PDGFB: variants seen among roughly 807,000 people sequenced by gnomAD.
PDGFB encodes the protein platelet derived growth factor subunit B, also known as platelet-derived growth factor subunit B.
Under a neutral mutation model 29.0 loss-of-function variants are expected in PDGFB, and 6 were observed. That is an observed-to-expected ratio of 0.21 (90% CI 0.11 to 0.41). PDGFB has a LOEUF of 0.41. PDGFB is among the 10% of genes least tolerant of loss of function. The probability of loss-of-function intolerance (pLI) is 1.00; values close to 1 mark genes in which losing one functional copy is unlikely to be tolerated. For synonymous variants in PDGFB, 144 were observed against 140.8 expected (o/e 1.02, Z -0.16); for missense variants, 299 against 341.8 (o/e 0.87, Z 0.99).
In PDGFB at chr22:39,236,400, G is replaced by A. The variant is rs1401590474; in HGVS notation, c.64-526C>T. Among the ~76,000 whole-genome samples, 5 of 152,190 alleles carry A rather than the reference G, an allele frequency of 3.3e-5. No individual in the cohort carries two copies. In the East Asian group the frequency reaches 9.6e-4, roughly 29 times the overall value. Reference sequence around the variant, plus strand: ...GGTACAAGAGGTGCTTAATAAACGCGTGCAGAGTGCGATGGCCTCAGGAGG... The same window carrying A: ...GGTACAAGAGGTGCTTAATAAACGCATGCAGAGTGCGATGGCCTCAGGAGG... On this transcript the variant is annotated intron_variant, in intron 1 of 6. Transcript: ENST00000331163.
At chr22:39,233,590 G>A (rs1226857230) in intron 2 of PDGFB, 66 bp from the exon 3 acceptor site, 8 of 1,170,854 alleles carry the variant, frequency 6.8e-6, no homozygotes, top group African/African-American at 1.6e-5. Context: ...CTCCGCCGGG[G>A]TGTCTGGGCA....
At chr22:39,239,643 G>C (rs539455441) in intron 1 of PDGFB, among the ~76,000 whole-genome samples, 1 of 152,362 alleles carries the variant, frequency 6.6e-6, no homozygotes, top group Non-Finnish European at 1.5e-5. Context: ...TCAGGCCCGG[G>C]GTTTCTGGCA....
At chr22:39,228,461 T>A (rs1932218530) in intron 5 of PDGFB, among the ~76,000 whole-genome samples, 1 of 151,866 alleles carries the variant, frequency 6.6e-6, no homozygotes, top group African/African-American at 2.4e-5. Flanking sequence ...TGGTGGCACA[T>A]GCCTGTAATC....
chr22:39,239,259 A>G (rs778549841), intron 1 of PDGFB, among the ~76,000 whole-genome samples: 11 of 152,156 alleles, frequency 7.2e-5, no homozygotes, highest in Non-Finnish European at 1.6e-4. Flanking sequence ...TGAGGATGAC[A>G]AGGAGTGGGT....
chr22:39,244,727 C>A lies in PDGFB; in HGVS notation c.-764G>T, dbSNP rs1932653128. 5.5e-6 allele frequency: 1 copy of A among 181,698 alleles called. No homozygotes were observed. Among genetic ancestry groups the A allele is most frequent in the East Asian group, 8.3e-5 (1 of 12,102 alleles). The allele number at this position is 181,698 out of a possible 1,614,324, so 11.3% of individuals were successfully genotyped here. ...CGCCGCTCTGGGCGTCCTCTGCGGG[C>A]TGCGGGCTGCGAGCTGCGAGCTGCG... On this transcript the variant is annotated 5_prime_UTR_variant, in exon 1 of 7. Transcript: ENST00000331163. The surrounding 1 kb of genome is among the most constrained non-coding windows in gnomAD (Gnocchi z 4.5).
At chr22:39,233,324 C>T (rs11704525) in intron 3 of PDGFB, 111 bp downstream of exon 3, 19 of 688,500 alleles carry the variant, frequency 2.8e-5, no homozygotes, top group African/African-American at 1.1e-4. Flanking sequence ...GTGGGGGGAA[C>T]GGGAGTTGTA....
At chr22:39,227,287 T>C (rs1849391527) in intron 5 of PDGFB, among the ~76,000 whole-genome samples, 1 of 151,940 alleles carries the variant, frequency 6.6e-6, no homozygotes, top group African/African-American at 2.4e-5. Context: ...AGAGATGGGG[T>C]TTCACCATGT....
At chr22:39,228,255 G>C (rs1932212776) in intron 5 of PDGFB, among the ~76,000 whole-genome samples, 1 of 152,216 alleles carries the variant, frequency 6.6e-6, no homozygotes, top group Admixed American at 6.5e-5. Context: ...AACTGGTTTA[G>C]AAAATTACGT....
chr22:39,238,663 C>T (rs1202072017), intron 1 of PDGFB, among the ~76,000 whole-genome samples: 1 of 152,226 alleles, frequency 6.6e-6, no homozygotes, highest in East Asian at 1.9e-4. Flanking sequence ...TCCAGACTGC[C>T]CACCTGTTCC....
chr22:39,240,573 A>G (rs1244657352), intron 1 of PDGFB, among the ~76,000 whole-genome samples: 3 of 152,122 alleles, frequency 2.0e-5, no homozygotes, highest in Non-Finnish European at 4.4e-5. Context: ...AGCAGAGCAA[A>G]GCGAGGACTC....
chr22:39,230,110 C>G lies in PDGFB; in HGVS notation c.575G>C (p.Ser192Thr). 2 of 1,613,884 alleles carry G rather than the reference C, an allele frequency of 1.2e-6. No individual in the cohort carries two copies. Among genetic ancestry groups the G allele is most frequent in the East Asian group, 2.2e-5 (1 of 44,888 alleles). ...TVAAARPVTR[S>T]PGGSQEQRAK... Reference sequence around the variant, plus strand: ...TCGCTGCTCCTGGGAACCCCCCGGGCTTCGGGTCACAGGCCGTGCAGCTGC... The same window carrying G: ...TCGCTGCTCCTGGGAACCCCCCGGGGTTCGGGTCACAGGCCGTGCAGCTGC... Residue 192 changes from serine (S) to threonine (T), a missense_variant, in exon 5 of 7, where the codon AGC becomes ACC. By Grantham distance (58) the Ser-to-Thr change is moderately conservative. Transcript: ENST00000331163.
chr22:39,228,886 C>CAA (rs34953400), intron 5 of PDGFB, among the ~76,000 whole-genome samples: 21 of 72,566 alleles, frequency 2.9e-4, no homozygotes, highest in Admixed American at 1.0e-3. Context: ...GAGACTGCCT[C>CAA]AAAAAAAATA....
chr22:39,244,849 G>A lies in PDGFB; in HGVS notation c.-886C>T, dbSNP rs1601604871. The A allele has an allele frequency of 5.2e-6, 1 of 193,534 alleles. No individual in the cohort carries two copies. Among genetic ancestry groups the A allele is most frequent in the Non-Finnish European group, 1.1e-5 (1 of 93,492 alleles). The allele number at this position is 193,534 out of a possible 1,614,324, so 12.0% of individuals were successfully genotyped here. A position where few individuals can be genotyped will look rare whatever the true frequency, so the allele number is the denominator to read the frequency against. ...TGCGCGCGTATGTATGTGTGTGCGC[G>A]CAAAGTATCTCTATCTAGGGAATGA... On this transcript the variant is annotated 5_prime_UTR_variant, in exon 1 of 7. Coordinates refer to ENST00000331163, the MANE Select transcript of PDGFB (RefSeq NM_002608.4). The surrounding 1 kb of genome is among the most constrained non-coding windows in gnomAD (Gnocchi z 4.5).
chr22:39,242,097 T>C lies in PDGFB; in HGVS notation c.63+1804A>G, dbSNP rs1052615371. ...GTGCGTGCCTGTGTACGTGCGTGGG[T>C]GTGCGCGCACGTGTGCTCAGGCCGC... On this transcript the variant is annotated intron_variant, in intron 1 of 6. Transcript: ENST00000331163. The surrounding 1 kb of genome is among the most constrained non-coding windows in gnomAD (Gnocchi z 5.7). 45 of 228,530 alleles carry C rather than the reference T, an allele frequency of 2.0e-4. No individual in the cohort carries two copies. The highest frequency in any genetic ancestry group is 1.3e-3 in the Middle Eastern group (1 of 746). The allele number at this position is 228,530 out of a possible 1,614,324, so 14.2% of individuals were successfully genotyped here.
chr22:39,243,274 T>TCTCTCTCTC lies in PDGFB; in HGVS notation c.63+626_63+627insGAGAGAGAG, dbSNP rs1932615384. Among the ~76,000 whole-genome samples the TCTCTCTCTC allele has an allele frequency of 1.6e-5, 1 of 60,806 alleles. No homozygotes were observed. The highest frequency in any genetic ancestry group is 4.0e-5 in the African/African-American group (1 of 24,794). 39.9% of individuals were successfully genotyped at this position (60,806 alleles called of 152,430 possible). On this transcript the variant is annotated intron_variant, in intron 1 of 6. Transcript: ENST00000331163. The surrounding 1 kb of genome is among the most constrained non-coding windows in gnomAD (Gnocchi z 6.4). Reference sequence around the variant, plus strand: ...TCCGTCTCTCTCTCTCTCTCTCTCTTTCTCTCTCTCTCTCTCTCTCTCCCT... The same window carrying TCTCTCTCTC: ...TCCGTCTCTCTCTCTCTCTCTCTCTTCTCTCTCTCTCTCTCTCTCTCTCTCTCTCTCCCT...
chr22:39,239,135 T>C (rs527606375), intron 1 of PDGFB, among the ~76,000 whole-genome samples: 1 of 152,274 alleles, frequency 6.6e-6, no homozygotes, highest in African/African-American at 2.4e-5. Flanking sequence ...TGCCAGCAGA[T>C]AATGGGAGCT....
intron 5 of PDGFB, among the ~76,000 whole-genome samples, chr22:39,227,838 C>T (rs1471866707): frequency 2.6e-5 from 4 of 152,198 alleles, no homozygotes; most frequent in Non-Finnish European, 5.9e-5. Flanking sequence ...TCCCACCTTA[C>T]AGACACCAGC....
intron 2 of PDGFB, among the ~76,000 whole-genome samples, chr22:39,234,847 G>A (rs1355913316): frequency 6.6e-6 from 1 of 152,230 alleles, no homozygotes; most frequent in Non-Finnish European, 1.5e-5. Context: ...GGGGTGTAAA[G>A]GCTTGGAAAG....
intron 1 of PDGFB, among the ~76,000 whole-genome samples, chr22:39,237,520 C>T (rs919022150): frequency 9.2e-5 from 14 of 152,196 alleles, no homozygotes; most frequent in African/African-American, 3.1e-4. Flanking sequence ...GTATGGGCCC[C>T]GCTGCCCCTC....
Sources: allele counts gnomAD v4.1 joint callset (sites outside exome capture counted in the v4.1 genomes callset), GRCh38; gene constraint gnomAD v4.1.1; non-coding constraint Gnocchi (gnomAD v3.1); transcripts MANE v1.5; gene names NCBI Gene and HGNC (gene_info 2026-07-23, HGNC 2026-07-21).